The following RPS6KC1 variants were observed in gnomAD, a reference collection of about 807,000 sequenced individuals.
RPS6KC1 encodes ribosomal protein S6 kinase C1.
In RPS6KC1, 54 loss-of-function variants were observed where a neutral mutation model predicts 103.8. That is an observed-to-expected ratio of 0.52 (90% CI 0.42 to 0.65). RPS6KC1 has a LOEUF of 0.65. Among genes scored for constraint, RPS6KC1 ranks in the 30% least tolerant of loss-of-function variants. RPS6KC1 has a pLI of 0.00. For synonymous variants in RPS6KC1, 439 were observed against 438.7 expected (o/e 1.00, Z -0.01); for missense variants, 1,151 against 1,253.8 (o/e 0.92, Z 1.24).
At chr1:213,848,557 C>T in the RPS6KC1 span, among the ~76,000 whole-genome samples, 1 of 151,944 alleles carries the variant, frequency 6.6e-6, no homozygotes, top group Admixed American at 6.6e-5. Flanking sequence ...CATATAGACA[C>T]ACACATATAT....
the RPS6KC1 span, among the ~76,000 whole-genome samples, chr1:213,803,381 G>T: frequency 6.6e-6 from 1 of 151,738 alleles, no homozygotes; most frequent in Admixed American, 6.6e-5. Context: ...CAAGTAGCTG[G>T]GATTACAGGT....
intron 8 of RPS6KC1, chr1:213,205,278 G>A: frequency 1.0e-6 from 1 of 984,914 alleles, no homozygotes; most frequent in South Asian, 4.7e-5. Flanking sequence ...TTCTGCTGAA[G>A]ACAATTGTTA....
chr1:213,563,972 C>CTTTTTTTTTTTTTTTTTTTTTTTTTT, the RPS6KC1 span, among the ~76,000 whole-genome samples: 1 of 134,398 alleles, frequency 7.4e-6, no homozygotes. Flanking sequence ...TTGCTTACCT[C>CTTTTTTTTTTTTTTTTTTTTTTTTTT]TTTTTTTTTT....
At chr1:213,841,913 A>G in the RPS6KC1 span, 1 of 152,080 alleles carries the variant, frequency 6.6e-6, no homozygotes, top group African/African-American at 2.4e-5. Flanking sequence ...TCTGATCACA[A>G]TCCCAATTGC....
Position 213,129,586 on chromosome 1 carries a change from T to G in RPS6KC1, c.532T>G (p.Leu178Val). 1 of 1,613,888 alleles carries G rather than the reference T, an allele frequency of 6.2e-7. No homozygotes were observed. Among genetic ancestry groups the G allele is most frequent in the Non-Finnish European group, 8.5e-7 (1 of 1,179,826 alleles). Residue 178 changes from leucine (L) to valine (V), a missense_variant, in exon 6 of 15, where the codon TTA becomes GTA. By Grantham distance (32) the Leu-to-Val change is conservative. Coordinates refer to ENST00000366960, the MANE Select transcript of RPS6KC1 (RefSeq NM_012424.6). ...TGTTGATGTGGATTCTCTTGCTGAGTTAGATGATGGAATGGCTTCCAATCA... is the reference window on the plus strand; with the variant it reads ...TGTTGATGTGGATTCTCTTGCTGAGGTAGATGATGGAATGGCTTCCAATCA... Reference protein sequence around the residue: ...LTVDVDSLAELDDGMASNQNS... With the variant: ...LTVDVDSLAEVDDGMASNQNS...
rs1036869388 is a variant in RPS6KC1 at position 213,261,409 on chromosome 1, G to T, written c.2912-149G>T. On this transcript the variant is annotated intron_variant, in intron 12 of 14. Transcript: ENST00000366960. ...TGCAACCGCAGTAGGTGACCAAAGG[G>T]ATAAGTAACTTTCAGGAATTTTGAA... 35 of 674,340 alleles carry T rather than the reference G, an allele frequency of 5.2e-5. No homozygotes were observed. In the African/African-American group the frequency reaches 6.1e-4, roughly 12 times the overall value. 41.8% of individuals were successfully genotyped at this position (674,340 alleles called of 1,614,324 possible). A position where few individuals can be genotyped will look rare whatever the true frequency, so the allele number is the denominator to read the frequency against.
the RPS6KC1 span, among the ~76,000 whole-genome samples, chr1:213,383,229 T>C: frequency 1.3e-5 from 2 of 152,196 alleles, no homozygotes; most frequent in African/African-American, 4.8e-5. Context: ...TCACTGTCGA[T>C]GGAATGTGAA....
chr1:213,247,923 G>A (rs962874425), intron 12 of RPS6KC1, among the ~76,000 whole-genome samples: 2 of 152,074 alleles, frequency 1.3e-5, no homozygotes, highest in Admixed American at 6.6e-5. Context: ...TGTACATAAA[G>A]TATATCATGT....
At chr1:213,642,506 A>G in the RPS6KC1 span, among the ~76,000 whole-genome samples, 2 of 152,138 alleles carry the variant, frequency 1.3e-5, no homozygotes, top group Non-Finnish European at 2.9e-5. Flanking sequence ...GAAAGTACTA[A>G]GAAGAAAGTG....
At chr1:213,852,536 A>C in the RPS6KC1 span, among the ~76,000 whole-genome samples, 1 of 152,164 alleles carries the variant, frequency 6.6e-6, no homozygotes, top group African/African-American at 2.4e-5. Flanking sequence ...CAGCCTTTTT[A>C]ATCGACAGAT....
intron 8 of RPS6KC1, among the ~76,000 whole-genome samples, chr1:213,180,674 ACT>A (rs1032155742): frequency 3.9e-5 from 6 of 152,194 alleles, no homozygotes; most frequent in South Asian, 2.1e-4. Context: ...CGGAAAAAAA[ACT>A]CTGATGGGAT....
chr1:213,170,621 A>G (rs1450340623), intron 7 of RPS6KC1, among the ~76,000 whole-genome samples: 1 of 152,222 alleles, frequency 6.6e-6, no homozygotes, highest in Admixed American at 6.5e-5. Flanking sequence ...TTTGACATGT[A>G]GGATTTTTTC....
the RPS6KC1 span, among the ~76,000 whole-genome samples, chr1:213,512,999 T>C: frequency 6.6e-6 from 1 of 152,214 alleles, no homozygotes; most frequent in African/African-American, 2.4e-5. Flanking sequence ...TCCTAATCCC[T>C]GGAACTTGTA....
chr1:213,560,909 T>C, the RPS6KC1 span, among the ~76,000 whole-genome samples: 1 of 152,176 alleles, frequency 6.6e-6, no homozygotes, highest in Non-Finnish European at 1.5e-5. Context: ...TACTAGCTCA[T>C]CCTTCCATGT....
At chr1:213,674,321 T>A in the RPS6KC1 span, among the ~76,000 whole-genome samples, 2 of 152,194 alleles carry the variant, frequency 1.3e-5, no homozygotes, top group African/African-American at 4.8e-5. Flanking sequence ...ACCTGGCTTG[T>A]ACCATCTTTA....
At chr1:213,363,783 T>C in the RPS6KC1 span, among the ~76,000 whole-genome samples, 1 of 106,584 alleles carries the variant, frequency 9.4e-6, no homozygotes, top group Non-Finnish European at 1.8e-5. Flanking sequence ...TCTTTCTTTC[T>C]TTCTTTCTTT....
At chr1:213,378,559 G>A in the RPS6KC1 span, among the ~76,000 whole-genome samples, 2 of 152,154 alleles carry the variant, frequency 1.3e-5, no homozygotes, top group Non-Finnish European at 2.9e-5. Flanking sequence ...TGTTGAAAAG[G>A]AAAGAGGAAA....
chr1:213,687,405 T>G, the RPS6KC1 span, among the ~76,000 whole-genome samples: 1 of 151,000 alleles, frequency 6.6e-6, no homozygotes, highest in Non-Finnish European at 1.5e-5. Flanking sequence ...CTAGTATACC[T>G]GTTTATTTTG....
intron 12 of RPS6KC1, among the ~76,000 whole-genome samples, chr1:213,245,574 C>T (rs1451324288): frequency 2.0e-5 from 3 of 152,182 alleles, no homozygotes; most frequent in Admixed American, 6.6e-5. Flanking sequence ...GTCCTGAAAA[C>T]ATTATCCACC....
Sources: gnomAD v4.1 joint callset for allele counts (sites outside exome capture counted in the v4.1 genomes callset) on GRCh38, gnomAD v4.1.1 for gene constraint, MANE v1.5 for transcripts, NCBI Gene and HGNC (gene_info 2026-07-23, HGNC 2026-07-21) for gene names.